The following RBFOX2 variants were observed in gnomAD, a reference collection of about 807,000 sequenced individuals.
The protein encoded by RBFOX2 is RNA binding protein fox-1 homolog 2.
A neutral mutation model predicts 49.1 loss-of-function variants in RBFOX2; 10 were observed. The observed-to-expected ratio is 0.20, with a 90% confidence interval of 0.13 to 0.35. RBFOX2 has a LOEUF of 0.35. RBFOX2 is among the 10% of genes least tolerant of loss of function. RBFOX2 has a pLI of 1.00. For missense variants in RBFOX2, 323 were observed against 486.9 expected, an observed-to-expected ratio of 0.66 and a Z score of 3.17; for synonymous variants, 183 against 187.4, an observed-to-expected ratio of 0.98 and a Z score of 0.19.
rs926996078 is a variant in RBFOX2, at chr22:35,779,597, G to A, written c.400-1519C>T. On this transcript the variant is annotated intron_variant, in intron 3 of 11. Transcript: ENST00000405409. ...TGTATGGTGCTTTGGAGTTTGTTTT[G>A]TTTTATATTTTCTAATGCATTCTTA... Among the ~76,000 whole-genome samples, 3 of 152,252 alleles carry A rather than the reference G, an allele frequency of 2.0e-5. No individual in the cohort carries two copies. The East Asian group carries it at 5.8e-4, about 29-fold the overall frequency.
rs564856741 is a variant in RBFOX2 at position 35,955,481 on chromosome 22, T to C, written c.42+6082A>G. On this transcript the variant is annotated intron_variant, in intron 1 of 5. Transcript: ENST00000408983. Reference sequence around the variant, plus strand: ...CAAATATTTTTAACATCCAACTTAATAGAACAGTGGTCCCCAATCTTTTTG... The same window carrying C: ...CAAATATTTTTAACATCCAACTTAACAGAACAGTGGTCCCCAATCTTTTTG... 8.1e-5 allele frequency among the ~76,000 whole-genome samples: 12 copies of C among 148,522 alleles called. No individual in the cohort carries two copies. The East Asian group carries it at 2.2e-3, about 27-fold the overall frequency.
At chr22:35,855,058 T>TTG (rs1236292252) in intron 1 of RBFOX2, among the ~76,000 whole-genome samples, 4 of 152,186 alleles carry the variant, frequency 2.6e-5, no homozygotes, top group African/African-American at 9.6e-5. Context: ...ATTTTTCCCA[T>TTG]TTATCAAAAT....
intron 1 of RBFOX2, among the ~76,000 whole-genome samples, chr22:35,919,242 A>AAG (rs1364065772): frequency 6.6e-6 from 1 of 152,238 alleles, no homozygotes; most frequent in Non-Finnish European, 1.5e-5. Flanking sequence ...TAGAGGAATT[A>AAG]AGAAGTGATG....
rs529432038 is a variant in RBFOX2 at position 35,852,769 on chromosome 22, C to T, written c.-33-42765G>A. Among the ~76,000 whole-genome samples, 264 of 152,214 alleles carry T rather than the reference C, an allele frequency of 1.7e-3. 3 individuals are homozygous for T. The highest frequency in any genetic ancestry group is 6.2e-4 in the South Asian group (3 of 4,818). The stretch of plus-strand genomic sequence containing the variant: ...ATGAACTATGACTGACTAACTTAAA[C>T]TTCAAGAGTTAACCCAGTTCAATAT... On this transcript the variant is annotated intron_variant, in intron 1 of 13. Coordinates refer to the RBFOX2 transcript ENST00000359369.
intron 1 of RBFOX2, among the ~76,000 whole-genome samples, chr22:35,881,604 T>A (rs567989723): frequency 2.8e-5 from 4 of 140,602 alleles, no homozygotes; most frequent in South Asian, 2.3e-4. Context: ...AAGGAAGAAA[T>A]TTTTTTTTAA....
At chr22:35,976,636 A>G (rs184132943) in intron 1 of RBFOX2, among the ~76,000 whole-genome samples, 2 of 152,358 alleles carry the variant, frequency 1.3e-5, no homozygotes, top group Admixed American at 1.3e-4. Flanking sequence ...TTTGCTACAT[A>G]TATAAAGAAT....
upstream of RBFOX2, chr22:35,938,945 G>T (rs966173748): frequency 1.3e-6 from 2 of 1,522,646 alleles, no homozygotes; most frequent in East Asian, 4.5e-5. Flanking sequence ...GAAAGAAAAT[G>T]TTAGGCATAA....
Position 35,768,409 on chromosome 22 carries a change from C to T in RBFOX2, c.454-60G>A, listed in dbSNP as rs575610459. 68 of 1,412,136 alleles carry T rather than the reference C, an allele frequency of 4.8e-5. No homozygotes were observed. In the African/African-American group the frequency reaches 9.1e-4, roughly 19 times the overall value. The allele number at this position is 1,412,136 out of a possible 1,614,324, so 87.5% of individuals were successfully genotyped here. A position where few individuals can be genotyped will look rare whatever the true frequency, so the allele number is the denominator to read the frequency against. On this transcript the variant is annotated intron_variant, in intron 4 of 11. Transcript: ENST00000405409. ...CATCGTTATATTGAAATACTGATCT[C>T]TTGGTAAATAGAGAAAAAATATCAT...
intron 1 of RBFOX2, among the ~76,000 whole-genome samples, chr22:35,875,228 C>T (rs561436503): frequency 2.0e-4 from 30 of 152,120 alleles, no homozygotes; most frequent in African/African-American, 5.5e-4. Flanking sequence ...TAAAGTCTTC[C>T]GGCATTCAAA....
Position 35,850,046 on chromosome 22 carries a change from T to C in RBFOX2, c.-33-40042A>G, listed in dbSNP as rs146820759. Reference sequence around the variant, plus strand: ...AAGGTATCCAGGAGCCAAAATAATATATATGTTCCAGGCTTTAAGTGCGTC... The same window carrying C: ...AAGGTATCCAGGAGCCAAAATAATACATATGTTCCAGGCTTTAAGTGCGTC... On this transcript the variant is annotated intron_variant, in intron 1 of 13. Coordinates refer to the RBFOX2 transcript ENST00000359369. Among the ~76,000 whole-genome samples, 355 of 152,082 alleles carry C rather than the reference T, an allele frequency of 2.3e-3. 1 individual carries two copies. The highest frequency in any genetic ancestry group is 0.016 in the South Asian group (75 of 4,798).
chr22:35,795,866 T>A (rs1948699764), intron 2 of RBFOX2, among the ~76,000 whole-genome samples: 1 of 152,154 alleles, frequency 6.6e-6, no homozygotes, highest in Admixed American at 6.5e-5. Flanking sequence ...ATAATTTAGC[T>A]TTATCAGCCT....
chr22:35,947,148 T>C (rs2054369783), intron 1 of RBFOX2, among the ~76,000 whole-genome samples: 1 of 151,878 alleles, frequency 6.6e-6, no homozygotes. Context: ...GCTGAGATCG[T>C]GCCACTGCAC....
At chr22:35,888,525 T>C (rs557068315) in intron 1 of RBFOX2, among the ~76,000 whole-genome samples, 5 of 152,148 alleles carry the variant, frequency 3.3e-5, no homozygotes, top group Non-Finnish European at 4.4e-5. Flanking sequence ...GTGTAATTGA[T>C]AAAGAAAAGA....
intron 1 of RBFOX2, among the ~76,000 whole-genome samples, chr22:35,899,757 A>G (rs1441787213): frequency 6.6e-6 from 1 of 152,212 alleles, no homozygotes; most frequent in African/African-American, 2.4e-5. Context: ...AGTCTTATAC[A>G]CAGAGATTAA....
rs150375244 is a variant in RBFOX2, at chr22:35,991,006, T to A, written c.186+37234A>T. On this transcript the variant is annotated intron_variant, in intron 1 of 13. Transcript: ENST00000438146. Reference sequence around the variant, plus strand: ...CAAGCATGGTGTTGCACACCTGTAGTCCCAGCTGCTTGGGAGGCTGAGGCA... The same window carrying A: ...CAAGCATGGTGTTGCACACCTGTAGACCCAGCTGCTTGGGAGGCTGAGGCA... Among the ~76,000 whole-genome samples the A allele has an allele frequency of 4.6e-5, 7 of 152,204 alleles. 1 individual carries two copies. The highest frequency in any genetic ancestry group is 1.7e-4 in the African/African-American group (7 of 41,536).
chr22:35,897,186 A>C, intron 1 of RBFOX2: 1 of 719,064 alleles, frequency 1.4e-6, no homozygotes, highest in Non-Finnish European at 2.4e-6. Flanking sequence ...GATTCTCTAA[A>C]GAGACCACCT....
intron 1 of RBFOX2, among the ~76,000 whole-genome samples, chr22:36,017,046 G>A (rs1174725621): frequency 6.6e-6 from 1 of 152,200 alleles, no homozygotes; most frequent in Admixed American, 6.5e-5. Context: ...GAAGCTGAAA[G>A]TGAAGTCGGA....
chr22:35,972,277 A>G (rs1229594407), intron 1 of RBFOX2, among the ~76,000 whole-genome samples: 1 of 152,070 alleles, frequency 6.6e-6, no homozygotes, highest in African/African-American at 2.4e-5. Flanking sequence ...AACTGTTTTC[A>G]TGTGTTCTAT....
intron 2 of RBFOX2, among the ~76,000 whole-genome samples, chr22:35,789,795 T>C (rs1947234329): frequency 6.6e-6 from 1 of 152,156 alleles, no homozygotes; most frequent in Admixed American, 6.5e-5. Context: ...GTTGTTTTGG[T>C]TTCTTTTTGT....
Sources: gnomAD v4.1 joint callset for allele counts (sites outside exome capture counted in the v4.1 genomes callset) on GRCh38, gnomAD v4.1.1 for gene constraint, MANE v1.5 for transcripts, NCBI Gene and HGNC (gene_info 2026-07-23, HGNC 2026-07-21) for gene names.